KCNH7: variants seen among roughly 807,000 people sequenced by gnomAD.
KCNH7 encodes the protein voltage-gated inwardly rectifying potassium channel KCNH7.
In KCNH7, 49 loss-of-function variants were observed where a neutral mutation model predicts 120.8. The observed-to-expected ratio is 0.41, with a 90% CI of 0.32 to 0.51. The LOEUF is 0.51. Ranked by LOEUF, KCNH7 falls within the 20% of genes least tolerant of loss-of-function variation. KCNH7 has a pLI of 0.38. For missense variants in KCNH7, 1,097 were observed against 1,446.6 expected (o/e 0.76, Z 3.92); for synonymous variants, 547 against 516.1 (o/e 1.06, Z -0.81).
At chr2:162,792,707 T>TA (rs1683995621) in intron 2 of KCNH7, among the ~76,000 whole-genome samples, 1 of 111,480 alleles carries the variant, frequency 9.0e-6, no homozygotes, top group Non-Finnish European at 2.2e-5. Flanking sequence ...ACAAGCAGCT[T>TA]ATTTTTTTTT....
intron 6 of KCNH7, among the ~76,000 whole-genome samples, chr2:162,495,195 C>A (rs1372149877): frequency 6.6e-6 from 1 of 152,168 alleles, no homozygotes; most frequent in African/African-American, 2.4e-5. Flanking sequence ...AAGGCTTTGA[C>A]TGGAAGGATG....
intron 9 of KCNH7, among the ~76,000 whole-genome samples, chr2:162,407,521 T>C (rs1214083378): frequency 6.6e-6 from 1 of 152,002 alleles, no homozygotes; most frequent in African/African-American, 2.4e-5. Flanking sequence ...ACACATGTCC[T>C]TGTTACCCAG....
At chr2:162,750,768 C>A (rs1024793098) in intron 2 of KCNH7, among the ~76,000 whole-genome samples, 2 of 152,060 alleles carry the variant, frequency 1.3e-5, no homozygotes, top group Non-Finnish European at 2.9e-5. Context: ...GGAAGAATGT[C>A]TCACCTTGGA....
chr2:162,663,311 GA>G (rs766686588), intron 2 of KCNH7, among the ~76,000 whole-genome samples: 29 of 152,194 alleles, frequency 1.9e-4, no homozygotes, highest in African/African-American at 7.0e-4. Context: ...TTGTGTTTGA[GA>G]AAAAAATTTT....
At chr2:162,559,448 G>A (rs868567491) in intron 2 of KCNH7, among the ~76,000 whole-genome samples, 2 of 152,056 alleles carry the variant, frequency 1.3e-5, no homozygotes, top group African/African-American at 2.4e-5. Context: ...ATGACCTCAA[G>A]GTCTACTATT....
intron 3 of KCNH7, among the ~76,000 whole-genome samples, chr2:162,531,930 T>C (rs973423522): frequency 6.6e-6 from 1 of 151,972 alleles, no homozygotes; most frequent in Non-Finnish European, 1.5e-5. Flanking sequence ...ATTATACGCA[T>C]ATTTTTCTAT....
At chr2:162,733,613 T>C (rs1415575242) in intron 2 of KCNH7, among the ~76,000 whole-genome samples, 1 of 152,236 alleles carries the variant, frequency 6.6e-6, no homozygotes, top group Non-Finnish European at 1.5e-5. Flanking sequence ...GTGATTGTTA[T>C]TGTGAGCCTC....
chr2:162,411,984 T>G, intron 9 of KCNH7, among the ~76,000 whole-genome samples: 1 of 151,800 alleles, frequency 6.6e-6, no homozygotes, highest in Admixed American at 6.6e-5. Context: ...TAAATCAAAC[T>G]ACAAAGTACT....
intron 2 of KCNH7, among the ~76,000 whole-genome samples, chr2:162,694,762 T>C (rs937824739): frequency 9.9e-5 from 15 of 151,936 alleles, no homozygotes; most frequent in African/African-American, 3.6e-4. Flanking sequence ...TTTTTTTTTT[T>C]AGACGGAGTC....
intron 2 of KCNH7, among the ~76,000 whole-genome samples, chr2:162,739,123 C>T (rs1688024361): frequency 6.6e-6 from 1 of 152,108 alleles, no homozygotes; most frequent in South Asian, 2.1e-4. Context: ...GCCTCAGATG[C>T]CCCCTGTGTG....
intron 3 of KCNH7, among the ~76,000 whole-genome samples, chr2:162,521,384 T>C (rs1246218981): frequency 6.6e-6 from 1 of 151,938 alleles, no homozygotes; most frequent in Non-Finnish European, 1.5e-5. Context: ...TACTGACTGA[T>C]ATTTAACAAA....
At chr2:162,645,243 G>A (rs763135283) in intron 2 of KCNH7, among the ~76,000 whole-genome samples, 11 of 152,066 alleles carry the variant, frequency 7.2e-5, no homozygotes, top group Non-Finnish European at 1.2e-4. Flanking sequence ...CGCCTCCCGG[G>A]TTCAAGTGAT....
chr2:162,611,836 T>C (rs574789498), intron 2 of KCNH7, among the ~76,000 whole-genome samples: 11 of 152,262 alleles, frequency 7.2e-5, no homozygotes, highest in African/African-American at 2.2e-4. Flanking sequence ...GATATCTGAC[T>C]CTTACCCCAT....
intron 2 of KCNH7, among the ~76,000 whole-genome samples, chr2:162,772,956 C>T (rs949761880): frequency 5.3e-5 from 8 of 152,158 alleles, no homozygotes; most frequent in Non-Finnish European, 7.4e-5. Flanking sequence ...CTAACCTAAT[C>T]GCTCTCCTTG....
intron 8 of KCNH7, among the ~76,000 whole-genome samples, chr2:162,433,460 C>G (rs1688136936): frequency 6.6e-6 from 1 of 151,838 alleles, no homozygotes; most frequent in African/African-American, 2.4e-5. Context: ...AATAGAAAAC[C>G]CAGAAATAAA....
intron 2 of KCNH7, among the ~76,000 whole-genome samples, chr2:162,735,037 A>G (rs1452698198): frequency 6.6e-6 from 1 of 152,196 alleles, no homozygotes; most frequent in Admixed American, 6.5e-5. Context: ...GGGACACGAC[A>G]AGGCTTACAG....
chr2:162,600,511 T>G (rs1193979610), intron 2 of KCNH7, among the ~76,000 whole-genome samples: 1 of 152,122 alleles, frequency 6.6e-6, no homozygotes, highest in East Asian at 1.9e-4. Flanking sequence ...CATTTTATCT[T>G]GTTGGTATGA....
At chr2:162,407,251 T>A (rs1687255530) in intron 9 of KCNH7, among the ~76,000 whole-genome samples, 1 of 151,964 alleles carries the variant, frequency 6.6e-6, no homozygotes, top group Non-Finnish European at 1.5e-5. Flanking sequence ...ATGGGCAGAA[T>A]AAAAACCTGT....
chr2:162,816,349 G>A (rs919970421), intron 2 of KCNH7, among the ~76,000 whole-genome samples: 1 of 150,122 alleles, frequency 6.7e-6, no homozygotes, highest in Non-Finnish European at 1.5e-5. Context: ...CACTGACTAT[G>A]TGTTTTGTTT....
Sources: gnomAD v4.1 joint callset for allele counts (sites outside exome capture counted in the v4.1 genomes callset) on GRCh38, gnomAD v4.1.1 for gene constraint, MANE v1.5 for transcripts, NCBI Gene and HGNC (gene_info 2026-07-23, HGNC 2026-07-21) for gene names.